The following KAZN variants were observed in gnomAD, a reference collection of about 807,000 sequenced individuals.
KAZN encodes the protein kazrin, periplakin interacting protein, also known as kazrin.
In KAZN, 40 loss-of-function variants were observed where a neutral mutation model predicts 87.4. That is an observed-to-expected ratio of 0.46 (90% CI 0.36 to 0.60). The LOEUF is 0.60. Among genes scored for constraint, KAZN ranks in the 20% least tolerant of loss-of-function variants. The pLI, the probability that KAZN is intolerant of heterozygous loss-of-function variation, is 0.00. For missense variants in KAZN, 898 were observed against 1,073.9 expected (o/e 0.84, Z 2.29); for synonymous variants, 466 against 458.3 (o/e 1.02, Z -0.22).
At chr1:14,965,877 A>G (rs1664401824) in intron 2 of KAZN, among the ~76,000 whole-genome samples, 1 of 152,184 alleles carries the variant, frequency 6.6e-6, no homozygotes. Context: ...CAAAATTAAA[A>G]CTAGAAAAAA....
At chr1:14,229,795 A>G (rs2100534758) in intron 2 of KAZN, among the ~76,000 whole-genome samples, 1 of 152,396 alleles carries the variant, frequency 6.6e-6, no homozygotes, top group African/African-American at 2.4e-5. Context: ...AAATATCTAC[A>G]GGAAGATGTT....
chr1:14,447,015 G>A (rs1667019814), intron 2 of KAZN, among the ~76,000 whole-genome samples: 1 of 152,076 alleles, frequency 6.6e-6, no homozygotes, highest in African/African-American at 2.4e-5. Context: ...CCCAGTTAGT[G>A]AGCATAGTAT....
intron 1 of KAZN, among the ~76,000 whole-genome samples, chr1:14,132,042 G>T (rs10928028): frequency 0.57 from 86,799 of 151,938 alleles, 26,049 homozygotes; most frequent in East Asian, 0.76. Flanking sequence ...AATGTGGAAG[G>T]TGAGCCCAGG....
chr1:15,055,847 A>T (rs558991482), intron 4 of KAZN, among the ~76,000 whole-genome samples: 1 of 152,310 alleles, frequency 6.6e-6, no homozygotes, highest in South Asian at 2.1e-4. Flanking sequence ...TGGGATCCCA[A>T]GGCAGGCTCC....
intron 1 of KAZN, among the ~76,000 whole-genome samples, chr1:14,167,558 A>G (rs1179587020): frequency 6.6e-6 from 1 of 152,122 alleles, no homozygotes; most frequent in African/African-American, 2.4e-5. Flanking sequence ...CCCCATCTCT[A>G]CTAAAAATCT....
At chr1:14,737,689 A>G (rs1453554553) in intron 1 of KAZN, among the ~76,000 whole-genome samples, 1 of 152,182 alleles carries the variant, frequency 6.6e-6, no homozygotes, top group African/African-American at 2.4e-5. Context: ...CTGTAACTCC[A>G]GGTCCTCTTT....
At chr1:14,365,419 C>T (rs1411047124) in intron 2 of KAZN, among the ~76,000 whole-genome samples, 1 of 150,834 alleles carries the variant, frequency 6.6e-6, no homozygotes, top group African/African-American at 2.4e-5. Flanking sequence ...ATTAAGGGCC[C>T]ACCCTACTCC....
At chr1:14,542,221 A>T (rs2148496793) in intron 2 of KAZN, among the ~76,000 whole-genome samples, 1 of 146,010 alleles carries the variant, frequency 6.8e-6, no homozygotes, top group Non-Finnish European at 1.5e-5. Context: ...GCATGTTCTC[A>T]CTCATAGGTG....
intron 1 of KAZN, among the ~76,000 whole-genome samples, chr1:13,936,994 T>C (rs1278214110): frequency 6.6e-6 from 1 of 152,140 alleles, no homozygotes; most frequent in Admixed American, 6.6e-5. Flanking sequence ...TGGCCACTTG[T>C]ATATCTTCTT....
At chr1:14,768,870 C>T (rs1026335802) in intron 1 of KAZN, among the ~76,000 whole-genome samples, 30 of 152,180 alleles carry the variant, frequency 2.0e-4, no homozygotes, top group East Asian at 7.7e-4. Context: ...CAAGGGAAGC[C>T]GGAGATTCGC....
intron 2 of KAZN, among the ~76,000 whole-genome samples, chr1:14,583,361 C>G (rs1675667421): frequency 1.3e-5 from 2 of 152,178 alleles, no homozygotes; most frequent in African/African-American, 4.8e-5. Context: ...CATGAATGCT[C>G]CTTGTGTGCC....
chr1:14,362,212 T>C (rs12129808), intron 2 of KAZN, among the ~76,000 whole-genome samples: 25,406 of 152,156 alleles, frequency 0.17, 2,746 homozygotes, highest in Middle Eastern at 0.29. Flanking sequence ...GAAGGCTTGA[T>C]TGGGAAAGGA....
intron 2 of KAZN, among the ~76,000 whole-genome samples, chr1:14,442,225 A>G (rs1666744827): frequency 6.6e-6 from 1 of 152,240 alleles, no homozygotes; most frequent in African/African-American, 2.4e-5. Context: ...ATACAAAGAG[A>G]AGATTGGATA....
At chr1:14,782,974 A>G (rs1645401105) in intron 1 of KAZN, among the ~76,000 whole-genome samples, 1 of 152,116 alleles carries the variant, frequency 6.6e-6, no homozygotes, top group Non-Finnish European at 1.5e-5. Context: ...GATAGAGGCA[A>G]TACCAAGGAC....
At chr1:14,506,832 A>C (rs1670608287) in intron 2 of KAZN, among the ~76,000 whole-genome samples, 1 of 152,242 alleles carries the variant, frequency 6.6e-6, no homozygotes, top group Non-Finnish European at 1.5e-5. Context: ...AAATGGAGCC[A>C]AGATTAAATA....
chr1:14,620,090 A>G (rs756166494), intron 1 of KAZN, among the ~76,000 whole-genome samples: 1 of 152,216 alleles, frequency 6.6e-6, no homozygotes, highest in African/African-American at 2.4e-5. Context: ...GTACAATAGT[A>G]AGTACAGTTA....
intron 1 of KAZN, among the ~76,000 whole-genome samples, chr1:14,085,169 A>G (rs566069861): frequency 6.6e-6 from 1 of 152,332 alleles, no homozygotes; most frequent in East Asian, 1.9e-4. Context: ...TATCTCTGAG[A>G]ACCACAGTGG....
chr1:13,965,326 A>G (rs1570405296), intron 1 of KAZN, among the ~76,000 whole-genome samples: 1 of 152,154 alleles, frequency 6.6e-6, no homozygotes, highest in Non-Finnish European at 1.5e-5. Context: ...AATTCACAGC[A>G]CCTGCCCCTA....
At chr1:14,062,060 TG>T (rs1450827607) in intron 1 of KAZN, among the ~76,000 whole-genome samples, 1 of 152,134 alleles carries the variant, frequency 6.6e-6, no homozygotes, top group African/African-American at 2.4e-5. Context: ...ACAGGAAGCG[TG>T]GTGCACCCTG....
Sources: gnomAD v4.1 joint callset for allele counts (sites outside exome capture counted in the v4.1 genomes callset) on GRCh38, gnomAD v4.1.1 for gene constraint, MANE v1.5 for transcripts, NCBI Gene and HGNC (gene_info 2026-07-23, HGNC 2026-07-21) for gene names.